Variants in NEB observed in about 807,000 individuals in gnomAD.
NEB encodes the protein nemaline myopathy type 2.
A neutral mutation model predicts 952.2 loss-of-function variants in NEB; 512 were observed. The observed-to-expected ratio is 0.54, with a 90% CI of 0.50 to 0.58. The LOEUF is 0.58. Among genes scored for constraint, NEB ranks in the 20% least tolerant of loss-of-function variants. The probability of loss-of-function intolerance (pLI) is 0.00; values close to 1 mark genes in which losing one functional copy is unlikely to be tolerated. For synonymous variants in NEB, 2,900 were observed against 3,149.8 expected, an observed-to-expected ratio of 0.92 and a Z score of 2.66; for missense variants, 8,428 against 9,231.1, an observed-to-expected ratio of 0.91 and a Z score of 3.56.
intron 10 of NEB, among the ~76,000 whole-genome samples, chr2:151,716,343 T>A (rs952926171): frequency 6.6e-6 from 1 of 152,174 alleles, no homozygotes; most frequent in African/African-American, 2.4e-5. Context: ...TTTCACCATG[T>A]TGGCCAGGCT....
Position 151,725,537 on chromosome 2 carries a change from C to T in NEB, c.318G>A (p.Glu106=). 6.2e-7 allele frequency: 1 copy of T among 1,613,352 alleles called. No individual in the cohort carries two copies. The highest frequency in any genetic ancestry group is 8.5e-7 in the Non-Finnish European group (1 of 1,179,526). The change falls in exon 6 of 182, where the codon GAG becomes GAA. Residue 106 remains glutamate, a synonymous_variant. Transcript: ENST00000397345. ...TGGCGTATGGCTGTCCTTTTGTTTT[C>T]TCAAACTTCTCCTTGTATTTATTCT... ...FSPNKYKEKF[E]KTKGQPYAST... is the part of the protein sequence containing the mutation.
At chr2:151,651,348 C>T (rs2099027383) in intron 52 of NEB, among the ~76,000 whole-genome samples, 1 of 152,126 alleles carries the variant, frequency 6.6e-6, no homozygotes, top group Non-Finnish European at 1.5e-5. Context: ...TTGTGATATT[C>T]TTATGGAAAT....
rs567277006 is a variant in NEB, at chr2:151,723,609, G to A, written c.613-123C>T. On this transcript the variant is annotated intron_variant, in intron 8 of 181. Coordinates refer to ENST00000397345, the MANE Select transcript of NEB (RefSeq NM_001164508.2). ...GGGCCAGGTGAGAGCAAAGGTAAAT[G>A]AAATTCACAGATAACTTCCCACTTT... The A allele has an allele frequency of 7.3e-5, 45 of 613,088 alleles. No individual in the cohort carries two copies. The East Asian group carries it at 1.3e-3, about 17-fold the overall frequency. 38.0% of individuals were successfully genotyped at this position (613,088 alleles called of 1,614,324 possible).
chr2:151,497,012 C>G lies in NEB; in HGVS notation c.24322G>C (p.Gly8108Arg), dbSNP rs1404068728. ...ISSVLYKENM[G>R]KGTPLPVTPE... is the part of the protein sequence containing the mutation. ...GTGACAGGTAGAGGGGTTCCCTTGC[C>G]CATGTTTTCTTTGTATAACACCTGT... The change falls in exon 172 of 182, where the codon GGC becomes CGC. Residue 8108 changes from glycine to arginine, a missense_variant. By Grantham distance (125) the Gly-to-Arg change is moderately radical (BLOSUM62 -2). Coordinates refer to ENST00000397345, the MANE Select transcript of NEB (RefSeq NM_001164508.2). 2.5e-6 allele frequency: 4 copies of G among 1,572,648 alleles called. No individual in the cohort carries two copies. Among genetic ancestry groups the G allele is most frequent in the Non-Finnish European group, 3.5e-6 (4 of 1,157,068 alleles).
At chr2:151,657,011 C>T (rs1442449480) in intron 48 of NEB, among the ~76,000 whole-genome samples, 3 of 152,096 alleles carry the variant, frequency 2.0e-5, no homozygotes, top group Non-Finnish European at 4.4e-5. Context: ...ACTCTCTAAA[C>T]TGCTATAATG....
Position 151,527,007 on chromosome 2 carries a change from C to T in NEB, c.21856G>A (p.Asp7286Asn), listed in dbSNP as rs35625617. The T allele has an allele frequency of 0.022, 34,434 of 1,595,150 alleles. 475 individuals are homozygous for T. Among genetic ancestry groups the T allele is most frequent in the Non-Finnish European group, 0.025 (29,110 of 1,168,832 alleles). The change falls in exon 148 of 182, where the codon GAC (aspartate) becomes AAC (asparagine). Residue 7286 changes from aspartate to asparagine, a missense_variant. By Grantham distance (23) the Asp-to-Asn change is conservative. This residue lies in a region of NEB where 3,374 missense variants were observed against 3,651.5 expected (regional missense o/e 0.92). Coordinates refer to ENST00000397345, the MANE Select transcript of NEB (RefSeq NM_001164508.2). ...TTGCAACCCTTGAGGAACTCCCGGT[C>T]CAGCTTATATTCAAACTGTGATAGA... is the stretch of plus-strand genomic sequence containing the variant. ...LQQSDFEYKLDREFLKGCKLS... is the reference protein window; with the variant it reads ...LQQSDFEYKLNREFLKGCKLS...
chr2:151,503,464 C>T (rs2066297759), intron 165 of NEB, 23 bp from the exon 166 acceptor site: 1 of 1,510,184 alleles, frequency 6.6e-7, no homozygotes, highest in South Asian at 1.1e-5. Flanking sequence ...ATTAGAATAC[C>T]CAGAAAGGTA....
At chr2:151,563,161 T>C (rs930583526) in intron 119 of NEB, among the ~76,000 whole-genome samples, 5 of 151,818 alleles carry the variant, frequency 3.3e-5, no homozygotes, top group African/African-American at 1.2e-4. Flanking sequence ...ATTACAGGCA[T>C]GCACCACCAC....
At chr2:151,719,393 T>A (rs1046985462) in intron 9 of NEB, among the ~76,000 whole-genome samples, 1 of 152,236 alleles carries the variant, frequency 6.6e-6, no homozygotes, top group Non-Finnish European at 1.5e-5. Flanking sequence ...TTCTTATTTA[T>A]CAAGTAAAGC....
Position 151,612,385 on chromosome 2 carries a change from A to G in NEB, c.11606T>C (p.Ile3869Thr), listed in dbSNP as rs1382656148. The change falls in exon 78 of 182, where the codon ATT becomes ACT. Residue 3869 changes from isoleucine (I) to threonine (T), a missense_variant. This residue lies in a region of NEB where 337 missense variants were observed against 297.5 expected (regional missense o/e 1.13). Coordinates refer to ENST00000397345, the MANE Select transcript of NEB (RefSeq NM_001164508.2). Reference protein sequence around the residue: ...RKAYDLQSDAIYKSDLEWLRG... With the variant: ...RKAYDLQSDATYKSDLEWLRG... ...CAGCCACTCAAGATCAGATTTGTAA[A>G]TAGCCTGAAAATGAAATAATGTCAA... The G allele has an allele frequency of 1.2e-6, 2 of 1,613,248 alleles. No individual in the cohort carries two copies. Among genetic ancestry groups the G allele is most frequent in the East Asian group, 4.5e-5 (2 of 44,836 alleles).
chr2:151,702,583 G>A (rs1274552037), intron 13 of NEB, among the ~76,000 whole-genome samples: 2 of 151,506 alleles, frequency 1.3e-5, no homozygotes, highest in Non-Finnish European at 3.0e-5. Context: ...AGGATAGTTA[G>A]CTCTTCTTGT....
chr2:151,629,463 C>T, intron 68 of NEB, 76 bp downstream of exon 68: 3 of 1,243,950 alleles, frequency 2.4e-6, no homozygotes, highest in South Asian at 2.6e-5. Context: ...AAACTGGCCC[C>T]CAAATGTTAT....
chr2:151,677,479 C>T, intron 34 of NEB, 86 bp downstream of exon 34: 1 of 1,000,008 alleles, frequency 1.0e-6, no homozygotes, highest in Non-Finnish European at 1.4e-6. Context: ...AGATATTGGC[C>T]CAGAAAAAAA....
intron 105 of NEB, among the ~76,000 whole-genome samples, chr2:151,578,646 G>A (rs536782479): frequency 1.5e-3 from 223 of 151,404 alleles, no homozygotes; most frequent in Non-Finnish European, 2.7e-3. Context: ...AGGGAAGGAG[G>A]GAAGGAGGGA....
intron 66 of NEB, 69 bp from the exon 67 acceptor site, chr2:151,630,888 C>A: frequency 1.5e-6 from 2 of 1,359,048 alleles, no homozygotes; most frequent in South Asian, 3.0e-5. Flanking sequence ...TCATTTAAAA[C>A]TGTTATTACT....
chr2:151,728,692 A>G (rs535470587), intron 4 of NEB, among the ~76,000 whole-genome samples: 2 of 152,314 alleles, frequency 1.3e-5, no homozygotes, highest in Non-Finnish European at 2.9e-5. Context: ...AAAATAATGC[A>G]TGTAAGAAAA....
chr2:151,557,414 T>G (rs2095730701), intron 124 of NEB, among the ~76,000 whole-genome samples: 1 of 152,176 alleles, frequency 6.6e-6, no homozygotes, highest in African/African-American at 2.4e-5. Context: ...ACCAGATGGA[T>G]TCACACCTGG....
intron 161 of NEB, among the ~76,000 whole-genome samples, chr2:151,512,252 T>C (rs2075071966): frequency 1.3e-5 from 2 of 152,060 alleles, no homozygotes; most frequent in African/African-American, 4.8e-5. Flanking sequence ...GCCAGGATGG[T>C]CTGGATCTCC....
intron 164 of NEB, chr2:151,505,820 G>A: frequency 1.8e-6 from 1 of 554,196 alleles, no homozygotes; most frequent in East Asian, 3.1e-5. Context: ...TTAGACTGCA[G>A]CCCTTTCCTG....
Sources: allele counts gnomAD v4.1 joint callset (sites outside exome capture counted in the v4.1 genomes callset), GRCh38; gene constraint gnomAD v4.1.1; regional missense constraint gnomAD v4.1.1; transcripts MANE v1.5; gene names NCBI Gene and HGNC (gene_info 2026-07-23, HGNC 2026-07-21).